CTNNBIP1: variants seen among roughly 807,000 people sequenced by gnomAD.
CTNNBIP1 encodes catenin beta interacting protein 1, also known as beta-catenin-interacting protein 1.
A neutral mutation model predicts 11.8 loss-of-function variants in CTNNBIP1; 7 were observed. That is an observed-to-expected ratio of 0.60 (90% CI 0.34 to 1.12). The LOEUF is 1.12. CTNNBIP1 is among the 50% of genes most tolerant of loss of function. The probability of loss-of-function intolerance (pLI) is 0.03; values close to 1 mark genes in which losing one functional copy is unlikely to be tolerated. For missense variants in CTNNBIP1, 101 were observed against 113.4 expected, an observed-to-expected ratio of 0.89 and a Z score of 0.50; for synonymous variants, 58 against 43.9, an observed-to-expected ratio of 1.32 and a Z score of -1.26.
rs115925676 is a variant in CTNNBIP1, at chr1:9,852,238, C to T, written c.188-1462G>A. ...AACTGCTCTACCAAGAGAGGGAGGA[C>T]GCACCCAGCTGTCGGGAGGGCCAGA... On this transcript the variant is annotated intron_variant, in intron 5 of 5. Coordinates refer to ENST00000377263, the MANE Select transcript of CTNNBIP1 (RefSeq NM_020248.3). Among the ~76,000 whole-genome samples, 481 of 152,238 alleles carry T rather than the reference C, an allele frequency of 3.2e-3. 2 individuals carry two copies. Among genetic ancestry groups the T allele is most frequent in the African/African-American group, 8.0e-3 (333 of 41,536 alleles).
At chr1:9,877,078 C>T (rs936452432) in intron 3 of CTNNBIP1, among the ~76,000 whole-genome samples, 2 of 152,254 alleles carry the variant, frequency 1.3e-5, no homozygotes, top group African/African-American at 2.4e-5. Context: ...CACACTTCTT[C>T]CCAGCCTTTG....
chr1:9,878,963 C>T (rs544833317), intron 2 of CTNNBIP1, among the ~76,000 whole-genome samples: 4 of 152,068 alleles, frequency 2.6e-5, no homozygotes, highest in Non-Finnish European at 4.4e-5. Flanking sequence ...TTTGGGAGGC[C>T]GAGACAGGTG....
At chr1:9,897,647 G>A (rs558252158) in intron 1 of CTNNBIP1, among the ~76,000 whole-genome samples, 20 of 149,780 alleles carry the variant, frequency 1.3e-4, no homozygotes, top group East Asian at 4.0e-4. Flanking sequence ...GCAAGACTCC[G>A]TTTCAAAAAA....
chr1:9,859,502 CT>C (rs1290695483), intron 5 of CTNNBIP1, among the ~76,000 whole-genome samples: 2 of 152,222 alleles, frequency 1.3e-5, no homozygotes, highest in Admixed American at 1.3e-4. Context: ...CTTACTCAGG[CT>C]TTTGGAGAAA....
At chr1:9,876,244 T>TG (rs553052393) in intron 3 of CTNNBIP1, among the ~76,000 whole-genome samples, 72 of 152,272 alleles carry the variant, frequency 4.7e-4, no homozygotes, top group African/African-American at 1.7e-3. Context: ...GCGTCTAAAA[T>TG]GGGGTGGCGC....
intron 2 of CTNNBIP1, among the ~76,000 whole-genome samples, chr1:9,880,046 G>A (rs765068940): frequency 3.3e-5 from 5 of 152,138 alleles, no homozygotes; most frequent in East Asian, 1.9e-4. Context: ...GTGCCATGGC[G>A]GTTTGTGGCA....
At chr1:9,886,474 C>T (rs1054823718) in intron 1 of CTNNBIP1, among the ~76,000 whole-genome samples, 2 of 152,226 alleles carry the variant, frequency 1.3e-5, no homozygotes, top group African/African-American at 2.4e-5. Context: ...AAAGAAGCAG[C>T]TGACACGTAC....
intron 3 of CTNNBIP1, among the ~76,000 whole-genome samples, chr1:9,874,912 C>G (rs568377598): frequency 6.6e-6 from 1 of 152,354 alleles, no homozygotes; most frequent in East Asian, 1.9e-4. Context: ...ATCTGAAATG[C>G]TCCGTAAAGC....
intron 2 of CTNNBIP1, among the ~76,000 whole-genome samples, chr1:9,882,373 T>A (rs1639100460): frequency 6.6e-6 from 1 of 152,174 alleles, no homozygotes; most frequent in South Asian, 2.1e-4. Flanking sequence ...GTCACCCAGA[T>A]CAATGATCTC....
intron 1 of CTNNBIP1, among the ~76,000 whole-genome samples, chr1:9,899,696 T>G (rs1570599577): frequency 6.7e-6 from 1 of 150,300 alleles, no homozygotes; most frequent in Admixed American, 6.6e-5. Context: ...GAGGCGGAGG[T>G]TGCAGTGAGC....
At chr1:9,898,359 G>A (rs773639395) in intron 1 of CTNNBIP1, among the ~76,000 whole-genome samples, 2 of 151,624 alleles carry the variant, frequency 1.3e-5, no homozygotes, top group Non-Finnish European at 2.9e-5. Flanking sequence ...CCCCGTCTCT[G>A]CTAAAAATAC....
Position 9,872,968 on chromosome 1 carries a change from C to T in CTNNBIP1, c.-24-880G>A, listed in dbSNP as rs937480991. Among the ~76,000 whole-genome samples the T allele has an allele frequency of 2.6e-5, 4 of 152,062 alleles. No homozygotes were observed. Among genetic ancestry groups the T allele is most frequent in the Admixed American group, 1.3e-4 (2 of 15,270 alleles). ...TATCAGCCCTGGTGCCAAGGAACTGCGCTCGGAGAACCACGGAACCAAGCT... is the reference window on the plus strand; with the variant it reads ...TATCAGCCCTGGTGCCAAGGAACTGTGCTCGGAGAACCACGGAACCAAGCT... On this transcript the variant is annotated intron_variant, in intron 3 of 5. Coordinates refer to ENST00000377263, the MANE Select transcript of CTNNBIP1 (RefSeq NM_020248.3). The surrounding 1 kb of genome is among the most constrained non-coding windows in gnomAD (Gnocchi z 4.0).
chr1:9,880,866 A>G (rs1413546608), intron 2 of CTNNBIP1, among the ~76,000 whole-genome samples: 1 of 152,014 alleles, frequency 6.6e-6, no homozygotes, highest in Non-Finnish European at 1.5e-5. Context: ...TGTGCACTTC[A>G]TTTCACCACC....
intron 5 of CTNNBIP1, among the ~76,000 whole-genome samples, chr1:9,865,599 G>A (rs1638728199): frequency 6.6e-6 from 1 of 151,806 alleles, no homozygotes; most frequent in African/African-American, 2.4e-5. Flanking sequence ...GCGAGACTCT[G>A]TCTCAAAAAA....
At chr1:9,868,908 T>C (rs1638801229) in intron 5 of CTNNBIP1, among the ~76,000 whole-genome samples, 1 of 152,160 alleles carries the variant, frequency 6.6e-6, no homozygotes, top group Admixed American at 6.5e-5. Flanking sequence ...AGTGCTGGGA[T>C]TACAGGCATG....
chr1:9,896,145 T>TA (rs75588900), intron 1 of CTNNBIP1, among the ~76,000 whole-genome samples: 26,915 of 152,110 alleles, frequency 0.18, 2,518 homozygotes, highest in South Asian at 0.35. Flanking sequence ...TAACATTTTT[T>TA]AGAGTCCAGG....
At chr1:9,898,615 TA>T (rs1286332461) in intron 1 of CTNNBIP1, among the ~76,000 whole-genome samples, 1 of 151,406 alleles carries the variant, frequency 6.6e-6, no homozygotes, top group South Asian at 2.1e-4. Context: ...CCTTAATATA[TA>T]AAAAAAAGTG....
rs200340805 is a variant in CTNNBIP1, at chr1:9,873,927, C to T, written c.-24-1839G>A. On this transcript the variant is annotated intron_variant, in intron 3 of 5. Transcript: ENST00000377263. ...ATTTAAAAACATTTTTTTGTAGAGA[C>T]AGGGTCTTGCTATGTTGCCCAGGCT... Among the ~76,000 whole-genome samples, 13 of 152,164 alleles carry T rather than the reference C, an allele frequency of 8.5e-5. No individual in the cohort carries two copies. In the East Asian group the frequency reaches 2.5e-3, roughly 29 times the overall value.
intron 1 of CTNNBIP1, among the ~76,000 whole-genome samples, chr1:9,894,902 G>A (rs909871043): frequency 2.5e-5 from 3 of 121,894 alleles, no homozygotes; most frequent in African/African-American, 8.4e-5. Flanking sequence ...GCCATGCCTG[G>A]CTATTTTTTT....
Sources: allele counts gnomAD v4.1 joint callset (sites outside exome capture counted in the v4.1 genomes callset), GRCh38; gene constraint gnomAD v4.1.1; non-coding constraint Gnocchi (gnomAD v3.1); transcripts MANE v1.5; gene names NCBI Gene and HGNC (gene_info 2026-07-23, HGNC 2026-07-21).